CCSAP: variants seen among roughly 807,000 people sequenced by gnomAD.
CCSAP encodes the protein centriole, cilia and spindle associated protein, also known as centriole, cilia and spindle-associated protein.
In CCSAP, 17 loss-of-function variants were observed where a neutral mutation model predicts 25.9. That is an observed-to-expected ratio of 0.66 (90% confidence interval 0.45 to 0.99). The LOEUF (loss-of-function observed/expected upper bound fraction) is 0.99, where lower values mean the gene tolerates loss of function less well. Ranked by LOEUF, CCSAP falls within the 50% of genes least tolerant of loss-of-function variation. The probability of loss-of-function intolerance (pLI) is 0.00; values close to 1 mark genes in which losing one functional copy is unlikely to be tolerated. For synonymous variants in CCSAP, 169 were observed against 157.1 expected (o/e 1.08, Z -0.57); for missense variants, 339 against 367.8 (o/e 0.92, Z 0.64).
chr1:229,333,182 C>T (rs1658110935), intron 2 of CCSAP, among the ~76,000 whole-genome samples: 1 of 152,162 alleles, frequency 6.6e-6, no homozygotes, highest in Non-Finnish European at 1.5e-5. Flanking sequence ...CCTATAATCC[C>T]AGCACTTTGG....
chr1:229,330,235 GACAT>G lies in CCSAP; in HGVS notation c.368-3233_368-3230del, dbSNP rs377393331. Among the ~76,000 whole-genome samples, 681 of 152,308 alleles carry G rather than the reference GACAT, an allele frequency of 4.5e-3. 4 individuals are homozygous for G. Among genetic ancestry groups the G allele is most frequent in the African/African-American group, 0.016 (657 of 41,568 alleles). On this transcript the variant is annotated intron_variant, in intron 2 of 3. Transcript: ENST00000284617. ...TGAGTGGATGGTCATGCTGTCCTCT[GACAT>G]AGGCCCCCTAAAGGATGAGGAAAGG...
rs71561730 is a variant in CCSAP at position 229,341,193 on chromosome 1, CA to C, written c.367+905del. 7.8e-3 allele frequency among the ~76,000 whole-genome samples: 707 copies of C among 91,106 alleles called. 4 individuals carry two copies. The highest frequency in any genetic ancestry group is 0.022 in the African/African-American group (453 of 20,798). 59.8% of individuals were successfully genotyped at this position (91,106 alleles called of 152,430 possible). On this transcript the variant is annotated intron_variant, in intron 2 of 3. Coordinates refer to ENST00000284617, the MANE Select transcript of CCSAP (RefSeq NM_145257.5). Reference sequence around the variant, plus strand: ...TGGGCCACAGAGCGAGACTCCGTCTCAAAAAAAAAAAAAAAAAAAGATTACA... The same window carrying C: ...TGGGCCACAGAGCGAGACTCCGTCTCAAAAAAAAAAAAAAAAAAGATTACA...
intron 2 of CCSAP, 94 bp from the exon 3 acceptor site, chr1:229,327,100 A>T: frequency 9.2e-7 from 1 of 1,084,762 alleles, no homozygotes; most frequent in Non-Finnish European, 1.3e-6. Context: ...TGCTTAAGAC[A>T]GTAACATTTT....
rs1027015535 is a variant in CCSAP, at chr1:229,321,466, T to A, written c.*3769A>T. ...CATATCCACCCTATAGTACAAAAAT[T>A]CATTTCAAATGCAAACGTTGTGCAA... On this transcript the variant is annotated 3_prime_UTR_variant, in exon 4 of 4. Coordinates refer to ENST00000284617, the MANE Select transcript of CCSAP (RefSeq NM_145257.5). The A allele has an allele frequency of 6.6e-6, 1 of 152,164 alleles. No homozygotes were observed. The highest frequency in any genetic ancestry group is 2.4e-5 in the African/African-American group (1 of 41,448). The allele number at this position is 152,164 out of a possible 1,614,324, so 9.4% of individuals were successfully genotyped here.
At chr1:229,341,486 TC>T (rs1191419462) in intron 2 of CCSAP, among the ~76,000 whole-genome samples, 1 of 152,176 alleles carries the variant, frequency 6.6e-6, no homozygotes, top group African/African-American at 2.4e-5. Flanking sequence ...ACCGGCGCTT[TC>T]GGATCTGGAC....
chr1:229,333,935 G>A (rs950282531), intron 2 of CCSAP, among the ~76,000 whole-genome samples: 1 of 152,064 alleles, frequency 6.6e-6, no homozygotes, highest in Non-Finnish European at 1.5e-5. Context: ...AAATTGTAAC[G>A]TGTATTTTAT....
intron 2 of CCSAP, among the ~76,000 whole-genome samples, chr1:229,341,856 G>A (rs1323302564): frequency 6.6e-6 from 1 of 152,030 alleles, no homozygotes; most frequent in African/African-American, 2.4e-5. Context: ...CCCAGACTCA[G>A]CCAGCGGCGC....
intron 2 of CCSAP, among the ~76,000 whole-genome samples, chr1:229,333,162 G>A (rs957878347): frequency 2.6e-5 from 4 of 152,172 alleles, no homozygotes; most frequent in Admixed American, 1.3e-4. Flanking sequence ...GCCGGGCGCG[G>A]TGGCTCACGC....
rs1424779889 is a variant in CCSAP at position 229,321,699 on chromosome 1, C to G, written c.*3536G>C. On this transcript the variant is annotated 3_prime_UTR_variant, in exon 4 of 4. Coordinates refer to ENST00000284617, the MANE Select transcript of CCSAP (RefSeq NM_145257.5). ...AACTGTTTTTTACCAAAGCAGTCAA[C>G]AAGAAAAATTGTTTTACTTCTGATA... 1 of 152,136 alleles carries G rather than the reference C, an allele frequency of 6.6e-6. No individual in the cohort carries two copies. Among genetic ancestry groups the G allele is most frequent in the Non-Finnish European group, 1.5e-5 (1 of 68,020 alleles). The allele number at this position is 152,136 out of a possible 1,614,324, so 9.4% of individuals were successfully genotyped here.
chr1:229,321,394 C>A lies in CCSAP; in HGVS notation c.*3841G>T, dbSNP rs1473173880. The A allele has an allele frequency of 6.6e-6, 1 of 152,186 alleles. No homozygotes were observed. Among genetic ancestry groups the A allele is most frequent in the Non-Finnish European group, 1.5e-5 (1 of 68,036 alleles). The allele number at this position is 152,186 out of a possible 1,614,324, so 9.4% of individuals were successfully genotyped here. On this transcript the variant is annotated 3_prime_UTR_variant, in exon 4 of 4. Coordinates refer to ENST00000284617, the MANE Select transcript of CCSAP (RefSeq NM_145257.5). The stretch of plus-strand genomic sequence containing the variant: ...TTGGACCAAAAATCTAGACATAGCT[C>A]CTTGCATAGGGTTTGATATTAAGCA...
chr1:229,336,275 C>T (rs1198810918), intron 2 of CCSAP, among the ~76,000 whole-genome samples: 3 of 151,620 alleles, frequency 2.0e-5, no homozygotes, highest in Non-Finnish European at 4.4e-5. Flanking sequence ...GGTGGTCACT[C>T]CTCTCCTACC....
chr1:229,342,433 G>T lies in CCSAP; in HGVS notation c.33C>A (p.Tyr11Ter). The stretch of plus-strand genomic sequence containing the variant: ...AGCGCGGCTCCTGGTAGCGCTTCAT[G>T]TACTCGCTCTTCACCCCGCTCCCCG... MSPGSGVKSE[Y>*]MKRYQEPRWE... Residue 11 changes from tyrosine (Y) to a stop codon, truncating the protein, a stop_gained, in exon 2 of 4, where the codon TAC becomes TAA. Transcript: ENST00000284617. LOFTEE classifies it high-confidence loss of function. The surrounding 1 kb of genome is among the most constrained non-coding windows in gnomAD (Gnocchi z 7.5). 7.1e-7 allele frequency: 1 copy of T among 1,411,110 alleles called. No homozygotes were observed. Among genetic ancestry groups the T allele is most frequent in the South Asian group, 1.6e-5 (1 of 60,758 alleles). 87.4% of individuals were successfully genotyped at this position (1,411,110 alleles called of 1,614,324 possible). A position where few individuals can be genotyped will look rare whatever the true frequency, so the allele number is the denominator to read the frequency against.
At chr1:229,337,678 A>AAAAAAAAAAAAAAAAAAAAAT in intron 2 of CCSAP, among the ~76,000 whole-genome samples, 1 of 65,506 alleles carries the variant, frequency 1.5e-5, no homozygotes, top group Non-Finnish European at 3.1e-5. Context: ...CTCAAAAAAA[A>AAAAAAAAAAAAAAAAAAAAAT]ATATATATAT....
At chr1:229,327,636 G>A (rs237805) in intron 2 of CCSAP, 46 of 454,032 alleles carry the variant, frequency 1.0e-4, no homozygotes, top group South Asian at 1.9e-4. Flanking sequence ...TTGGGAGGCC[G>A]AGGCGAGCGG....
chr1:229,335,449 A>G (rs1038333935), intron 2 of CCSAP, among the ~76,000 whole-genome samples: 6 of 152,206 alleles, frequency 3.9e-5, no homozygotes, highest in Non-Finnish European at 5.9e-5. Context: ...TCTGACTATA[A>G]TATGGACGTG....
chr1:229,335,876 G>A (rs1426297813), intron 2 of CCSAP, among the ~76,000 whole-genome samples: 1 of 151,998 alleles, frequency 6.6e-6, no homozygotes, highest in African/African-American at 2.4e-5. Context: ...GTATCCAGGG[G>A]TTCTGCATCT....
At position 229,321,134 on chromosome 1, in the gene CCSAP, G is replaced by A. The variant is rs1170778945; in HGVS notation, c.*4101C>T. Reference sequence around the variant, plus strand: ...AATTATTGTGTGGCCTGGGCTTTGTGATTATGTGCCCAGCCTTTGTTCCTC... The same window carrying A: ...AATTATTGTGTGGCCTGGGCTTTGTAATTATGTGCCCAGCCTTTGTTCCTC... On this transcript the variant is annotated 3_prime_UTR_variant, in exon 4 of 4. Transcript: ENST00000284617. 1.3e-5 allele frequency: 2 copies of A among 152,158 alleles called. No individual in the cohort carries two copies. Among genetic ancestry groups the A allele is most frequent in the Non-Finnish European group, 2.9e-5 (2 of 68,014 alleles). The allele number at this position is 152,158 out of a possible 1,614,324, so 9.4% of individuals were successfully genotyped here. A position where few individuals can be genotyped will look rare whatever the true frequency, so the allele number is the denominator to read the frequency against.
intron 2 of CCSAP, among the ~76,000 whole-genome samples, chr1:229,338,219 T>C (rs1658247036): frequency 6.6e-6 from 1 of 152,044 alleles, no homozygotes; most frequent in Non-Finnish European, 1.5e-5. Flanking sequence ...GGGAAGTCAG[T>C]AGATAATGTT....
At chr1:229,325,544 GTTC>G (rs1339102603) in intron 3 of CCSAP, 133 bp from the exon 4 acceptor site, 7 of 690,492 alleles carry the variant, frequency 1.0e-5, no homozygotes, top group African/African-American at 7.2e-5. Flanking sequence ...TCTCTATATA[GTTC>G]TTCTTTACAT....
Sources: gnomAD v4.1 joint callset for allele counts (sites outside exome capture counted in the v4.1 genomes callset) on GRCh38, gnomAD v4.1.1 for gene constraint, Gnocchi (gnomAD v3.1) non-coding constraint, MANE v1.5 for transcripts, NCBI Gene and HGNC (gene_info 2026-07-23, HGNC 2026-07-21) for gene names.